The following MACF1 variants were observed in gnomAD, a reference collection of about 807,000 sequenced individuals.
MACF1 encodes the protein microtubule actin crosslinking factor 1.
In MACF1, 193 loss-of-function variants were observed where a neutral mutation model predicts 854.8. The ratio of observed to expected loss-of-function variants is 0.23; its 90% CI spans 0.20 to 0.25. The LOEUF (loss-of-function observed/expected upper bound fraction) is 0.25. MACF1 is among the 10% of genes least tolerant of loss of function. The probability of loss-of-function intolerance (pLI) is 1.00; values close to 1 mark genes in which losing one functional copy is unlikely to be tolerated. For synonymous variants in MACF1, 3,185 were observed against 3,226.7 expected, an observed-to-expected ratio of 0.99 and a Z score of 0.44; for missense variants, 7,722 against 8,929.1, an observed-to-expected ratio of 0.86 and a Z score of 5.45.
Position 39,283,009 on chromosome 1 carries a change from G to T in MACF1, c.696-180G>T, listed in dbSNP as rs1645581111. 5 of 557,406 alleles carry T rather than the reference G, an allele frequency of 9.0e-6. No individual in the cohort carries two copies. Among genetic ancestry groups the T allele is most frequent in the Non-Finnish European group, 1.6e-5 (5 of 314,890 alleles). 34.5% of individuals were successfully genotyped at this position (557,406 alleles called of 1,614,324 possible). On this transcript the variant is annotated intron_variant, in intron 7 of 100. Transcript: ENST00000564288. The surrounding 1 kb of genome is among the most constrained non-coding windows in gnomAD (Gnocchi z 4.5). ...CTGTATGTTTAAGTTTAGCATTAGG[G>T]AGCACTGGGCCCCTGGTGTATACTT...
chr1:39,393,815 A>G (rs537504529), intron 58 of MACF1, among the ~76,000 whole-genome samples: 4 of 150,496 alleles, frequency 2.7e-5, no homozygotes, highest in Non-Finnish European at 5.9e-5. Flanking sequence ...TCAAAAAAAA[A>G]AGAAAGAAAG....
intron 1 of MACF1, among the ~76,000 whole-genome samples, chr1:39,212,193 A>C (rs1644524632): frequency 6.6e-6 from 1 of 152,120 alleles, no homozygotes; most frequent in African/African-American, 2.4e-5. Flanking sequence ...CCTACCTTTA[A>C]CAGGAAATGA....
chr1:39,411,236 A>T (rs1642985559), intron 58 of MACF1: 1 of 1,613,904 alleles, frequency 6.2e-7, no homozygotes, highest in Non-Finnish European at 8.5e-7. Flanking sequence ...TTTGAGGAGG[A>T]TGAGCGATGG....
At chr1:39,425,737 A>G (rs560101156) in intron 61 of MACF1, among the ~76,000 whole-genome samples, 1 of 152,300 alleles carries the variant, frequency 6.6e-6, no homozygotes, top group Non-Finnish European at 1.5e-5. Context: ...ACTTACCTTT[A>G]TTCCTCAATC....
intron 91 of MACF1, 138 bp downstream of exon 91, chr1:39,459,387 G>A (rs1644505373): frequency 1.1e-6 from 1 of 909,130 alleles, no homozygotes; most frequent in Non-Finnish European, 1.6e-6. Flanking sequence ...TACCAAGCCA[G>A]TACTCATTCT....
chr1:39,228,779 G>C (rs542337313), intron 1 of MACF1, among the ~76,000 whole-genome samples: 1 of 152,160 alleles, frequency 6.6e-6, no homozygotes, highest in East Asian at 1.9e-4. Context: ...TCAGCCTCCC[G>C]AGTAGCTGGG....
intron 84 of MACF1, among the ~76,000 whole-genome samples, chr1:39,449,542 G>A (rs112997626): frequency 6.6e-6 from 1 of 151,794 alleles, no homozygotes; most frequent in Non-Finnish European, 1.5e-5. Flanking sequence ...GGGACTACAG[G>A]CACCCGCCAC....
chr1:39,086,104 T>C (rs892451593), intron 2 of MACF1, among the ~76,000 whole-genome samples: 4 of 152,222 alleles, frequency 2.6e-5, no homozygotes, highest in Non-Finnish European at 4.4e-5. Flanking sequence ...ATTTGGGATG[T>C]GTCTTATGTT....
chr1:39,104,248 T>A (rs1274503311), intron 2 of MACF1, among the ~76,000 whole-genome samples: 1 of 152,232 alleles, frequency 6.6e-6, no homozygotes, highest in Non-Finnish European at 1.5e-5. Flanking sequence ...TGACCAGAGT[T>A]CTTCATTCAC....
intron 16 of MACF1, among the ~76,000 whole-genome samples, chr1:39,292,321 C>T (rs1645808407): frequency 6.6e-6 from 1 of 152,216 alleles, no homozygotes; most frequent in Non-Finnish European, 1.5e-5. Context: ...AGCATCCAAA[C>T]TCAGGCCCTC....
Position 39,393,181 on chromosome 1 carries a change from T to TAAAAAAAAAA in MACF1, c.15816+4530_15816+4539dup, listed in dbSNP as rs1192045357. Among the ~76,000 whole-genome samples the TAAAAAAAAAA allele has an allele frequency of 4.4e-5, 4 of 90,256 alleles. 1 individual carries two copies. Among genetic ancestry groups the TAAAAAAAAAA allele is most frequent in the African/African-American group, 9.8e-5 (2 of 20,440 alleles). The allele number at this position is 90,256 out of a possible 152,430, so 59.2% of individuals were successfully genotyped here. A position where few individuals can be genotyped will look rare whatever the true frequency, so the allele number is the denominator to read the frequency against. On this transcript the variant is annotated intron_variant, in intron 58 of 100. Coordinates refer to ENST00000564288, the MANE Select transcript of MACF1 (RefSeq NM_001394062.1). The stretch of plus-strand genomic sequence containing the variant: ...CCTAGAGTGACCTTCCTGGGAAGGG[T>TAAAAAAAAAA]AAAAAAAAAAAAAAAATATATATAT...
chr1:39,095,803 G>A (rs375401178), intron 2 of MACF1, among the ~76,000 whole-genome samples: 2 of 152,044 alleles, frequency 1.3e-5, no homozygotes, highest in South Asian at 2.1e-4. Context: ...GAGCCCAGGA[G>A]GTCATGGCTG....
At chr1:39,145,202 C>A (rs1643435133) in intron 2 of MACF1, among the ~76,000 whole-genome samples, 1 of 152,202 alleles carries the variant, frequency 6.6e-6, no homozygotes, top group African/African-American at 2.4e-5. Context: ...TTATTCTCTT[C>A]TGGTTGACTG....
At position 39,300,452 on chromosome 1, in the gene MACF1, A is replaced by G. The variant is rs1184403334; in HGVS notation, c.2634+90A>G. ...TTAGGGTTATGATGATAAAAGATCAAATTACAGCGTTTTTAAAATTAGAAT... is the reference window on the plus strand; with the variant it reads ...TTAGGGTTATGATGATAAAAGATCAGATTACAGCGTTTTTAAAATTAGAAT... On this transcript the variant is annotated intron_variant, in intron 22 of 100. Transcript: ENST00000564288. 5 of 1,289,234 alleles carry G rather than the reference A, an allele frequency of 3.9e-6. No individual in the cohort carries two copies. The African/African-American group carries it at 4.6e-5, about 12-fold the overall frequency. 79.9% of individuals were successfully genotyped at this position (1,289,234 alleles called of 1,614,324 possible). A position where few individuals can be genotyped will look rare whatever the true frequency, so the allele number is the denominator to read the frequency against.
chr1:39,308,741 C>T (rs1646239487), intron 23 of MACF1, among the ~76,000 whole-genome samples: 1 of 151,844 alleles, frequency 6.6e-6, no homozygotes. Context: ...CTGCAACCTC[C>T]ACCTCCCGGG....
chr1:39,447,817 G>A lies in MACF1; in HGVS notation c.19887G>A (p.Val6629=), dbSNP rs374421978. The change falls in exon 82 of 101, where the codon GTG becomes GTA. Residue 6629 remains valine (V), a synonymous_variant. Coordinates refer to ENST00000564288, the MANE Select transcript of MACF1 (RefSeq NM_001394062.1). ...VVLIKNLLVS[V]QSRWEKVVQR... ...TGATCAAGAATTTGTTGGTGAGCGT[G>A]CAGTCTCGATGGGAGAAGGTTGTCC... The A allele has an allele frequency of 6.2e-7, 1 of 1,613,892 alleles. No homozygotes were observed. The highest frequency in any genetic ancestry group is 1.3e-5 in the African/African-American group (1 of 74,868).
chr1:39,322,366 T>C (rs780890838), intron 31 of MACF1, among the ~76,000 whole-genome samples: 1 of 152,212 alleles, frequency 6.6e-6, no homozygotes. Context: ...TGTTCATAAA[T>C]AAAGTTTTAT....
intron 51 of MACF1, 58 bp downstream of exon 51, chr1:39,370,244 T>A (rs1649108229): frequency 6.9e-7 from 1 of 1,439,598 alleles, no homozygotes; most frequent in Admixed American, 2.3e-5. Context: ...ATACTTGTAT[T>A]AACTGGTCTC....
Position 39,372,496 on chromosome 1 carries a change from G to A in MACF1, c.13113G>A (p.Trp4371Ter). The A allele has an allele frequency of 6.2e-7, 1 of 1,611,990 alleles. No homozygotes were observed. The highest frequency in any genetic ancestry group is 8.5e-7 in the Non-Finnish European group (1 of 1,178,378). Residue 4371 changes from tryptophan (W) to a stop codon, truncating the protein, a stop_gained, in exon 52 of 101, where the codon TGG becomes TGA. Transcript: ENST00000564288. LOFTEE classifies it high-confidence loss of function. ...IEHLKSLLDD[W>*]ASKGTLVEEI... ...TTAAACAGAGTCTACTAGATGACTG[G>A]GCAAGTAAGGGAACTCTGGTGGAAG...
Sources: allele counts gnomAD v4.1 joint callset (sites outside exome capture counted in the v4.1 genomes callset), GRCh38; gene constraint gnomAD v4.1.1; non-coding constraint Gnocchi (gnomAD v3.1); transcripts MANE v1.5; gene names NCBI Gene and HGNC (gene_info 2026-07-23, HGNC 2026-07-21).